Variants in B4GALNT3 observed in about 807,000 individuals in gnomAD.
The protein encoded by B4GALNT3 is beta-1,4-N-acetylgalactosaminyltransferase 3.
Under a neutral mutation model 120.2 loss-of-function variants are expected in B4GALNT3, and 86 were observed. The observed-to-expected ratio is 0.72, with a 90% CI of 0.60 to 0.86. The LOEUF (loss-of-function observed/expected upper bound fraction) is 0.86, where lower values mean the gene tolerates loss of function less well. Among genes scored for constraint, B4GALNT3 ranks in the 40% least tolerant of loss-of-function variants. The pLI, the probability that B4GALNT3 is intolerant of heterozygous loss-of-function variation, is 0.00. For synonymous variants in B4GALNT3, 518 were observed against 510.4 expected, an observed-to-expected ratio of 1.01 and a Z score of -0.20; for missense variants, 1,167 against 1,298.9, an observed-to-expected ratio of 0.90 and a Z score of 1.56.
At chr12:511,891 CCTTCCACCTTCCGCCTTCGACCTT>C in intron 1 of B4GALNT3, among the ~76,000 whole-genome samples, 7 of 116,484 alleles carry the variant, frequency 6.0e-5, no homozygotes, top group African/African-American at 2.3e-4. Context: ...CCTTCTTCCA[CCTTCCACCTTCCGCCTTCGACCTT>C]CTTCCACCTT....
At chr12:516,221 A>C (rs1205346142) in intron 1 of B4GALNT3, among the ~76,000 whole-genome samples, 1 of 152,220 alleles carries the variant, frequency 6.6e-6, no homozygotes, top group Admixed American at 6.5e-5. Context: ...TAGATTTTAT[A>C]CACATGCACA....
chr12:552,371 G>A (rs1220141556), intron 12 of B4GALNT3, 96 bp from the exon 13 acceptor site: 2 of 1,292,468 alleles, frequency 1.5e-6, no homozygotes, highest in African/African-American at 1.5e-5. Context: ...CTCTAGTCTG[G>A]GGCAAAACGT....
intron 1 of B4GALNT3, among the ~76,000 whole-genome samples, chr12:476,107 G>A (rs1435692769): frequency 6.6e-6 from 1 of 152,122 alleles, no homozygotes; most frequent in Non-Finnish European, 1.5e-5. Context: ...TTGATCCCCG[G>A]CTCTTGTCCT....
chr12:548,267 A>C lies in B4GALNT3; in HGVS notation c.823A>C (p.Ile275Leu). The C allele has an allele frequency of 6.2e-7, 1 of 1,613,854 alleles. No individual in the cohort carries two copies. Among genetic ancestry groups the C allele is most frequent in the South Asian group, 1.1e-5 (1 of 91,062 alleles). Residue 275 changes from isoleucine (I) to leucine (L), a missense_variant, in exon 9 of 20, where the codon ATT (isoleucine) becomes CTT (leucine). By Grantham distance (5) the Ile-to-Leu change is conservative. Around this residue, in one of 3 missense-constraint regions of B4GALNT3, gnomAD observed 983 missense variants for 1,102.5 expected, o/e 0.89. Transcript: ENST00000266383. The surrounding 1 kb of genome is among the most constrained non-coding windows in gnomAD (Gnocchi z 4.9). ...CGACCCTGGAGCCAAGTTCACCATCATTGACTCCCTCTCCCTGTCCCTCTT... is the reference window on the plus strand; with the variant it reads ...CGACCCTGGAGCCAAGTTCACCATCCTTGACTCCCTCTCCCTGTCCCTCTT... ...RNDPGAKFTI[I>L]DSLSLSLFTN...
At chr12:462,442 C>G (rs890098018) in intron 1 of B4GALNT3, among the ~76,000 whole-genome samples, 4 of 150,682 alleles carry the variant, frequency 2.7e-5, no homozygotes, top group Admixed American at 6.7e-5. Flanking sequence ...ACCTCTGCCT[C>G]TGTCTCCCGT....
At chr12:489,441 A>C (rs1490752232) in intron 1 of B4GALNT3, among the ~76,000 whole-genome samples, 1 of 152,208 alleles carries the variant, frequency 6.6e-6, no homozygotes, top group Non-Finnish European at 1.5e-5. Flanking sequence ...TTATTAACCC[A>C]GGTATTTTAA....
intron 14 of B4GALNT3, among the ~76,000 whole-genome samples, chr12:555,877 G>C (rs1291265987): frequency 6.6e-6 from 1 of 151,744 alleles, no homozygotes; most frequent in Admixed American, 6.6e-5. Flanking sequence ...TCCGCCTCCC[G>C]GGTTCACGCC....
At chr12:479,652 T>C (rs1946215987) in intron 1 of B4GALNT3, among the ~76,000 whole-genome samples, 1 of 152,172 alleles carries the variant, frequency 6.6e-6, no homozygotes. Flanking sequence ...CCAGCACGTT[T>C]GGCCAAGGAA....
intron 12 of B4GALNT3, 128 bp downstream of exon 12, chr12:552,291 C>T (rs534091350): frequency 1.5e-6 from 1 of 680,482 alleles, no homozygotes; most frequent in African/African-American, 2.6e-5. Flanking sequence ...TTCCTGAGTA[C>T]TACACACACA....
At chr12:537,129 A>G (rs553765251) in intron 3 of B4GALNT3, among the ~76,000 whole-genome samples, 31 of 152,344 alleles carry the variant, frequency 2.0e-4, no homozygotes, top group African/African-American at 7.2e-4. Flanking sequence ...ACTCTATGAA[A>G]CTAGTGCTCG....
rs576533548 is a variant in B4GALNT3, at chr12:465,943, C to T, written c.169+5398C>T. On this transcript the variant is annotated intron_variant, in intron 1 of 19. Transcript: ENST00000266383. ...TTGATGGTCCTGGGGCTGCCTGCCA[C>T]ACTCCCTGTTCTGGGAGTTGAGGTC... is the stretch of plus-strand genomic sequence containing the variant. Among the ~76,000 whole-genome samples, 25 of 147,044 alleles carry T rather than the reference C, an allele frequency of 1.7e-4. No homozygotes were observed. The South Asian group carries it at 3.5e-3, about 21-fold the overall frequency.
intron 1 of B4GALNT3, among the ~76,000 whole-genome samples, chr12:523,011 A>G (rs1206770943): frequency 6.6e-6 from 1 of 151,456 alleles, no homozygotes; most frequent in African/African-American, 2.4e-5. Flanking sequence ...CTAAATACAC[A>G]CTCCCCCTAA....
chr12:543,247 A>G (rs180827557), intron 3 of B4GALNT3: 2 of 1,259,514 alleles, frequency 1.6e-6, no homozygotes, highest in African/African-American at 3.1e-5. Context: ...GGAATGGGAT[A>G]GAGTGGGCCG....
intron 15 of B4GALNT3, 42 bp downstream of exon 15, chr12:556,908 C>T: frequency 1.3e-6 from 2 of 1,563,600 alleles, no homozygotes; most frequent in Non-Finnish European, 1.7e-6. Context: ...GGGGCGGGGT[C>T]CTCACACTGT....
chr12:461,781 A>G (rs7955258), intron 1 of B4GALNT3, among the ~76,000 whole-genome samples: 81,565 of 152,064 alleles, frequency 0.54, 22,643 homozygotes, highest in Middle Eastern at 0.69. Context: ...TTGGAAATGT[A>G]TATTTATGGC....
intron 1 of B4GALNT3, among the ~76,000 whole-genome samples, chr12:511,509 A>C (rs1325521385): frequency 2.8e-5 from 2 of 71,638 alleles, no homozygotes; most frequent in Admixed American, 1.4e-4. Flanking sequence ...TCCACCTTCC[A>C]CCTTCTTCCA....
Position 499,018 on chromosome 12 carries a change from AC to A in B4GALNT3, c.170-36147del, listed in dbSNP as rs1212695633. On this transcript the variant is annotated intron_variant, in intron 1 of 19. Transcript: ENST00000266383. ...GGACAGGATAATGGAGCTTTGGCAT[AC>A]AGAGAGGACACAAAATCTGGTGGGG... Among the ~76,000 whole-genome samples the A allele has an allele frequency of 2.6e-5, 4 of 152,332 alleles. No homozygotes were observed. The South Asian group carries it at 6.2e-4, about 24-fold the overall frequency.
At position 460,772 on chromosome 12, in the gene B4GALNT3, G is replaced by C. The variant is rs1471666000; in HGVS notation, c.169+227G>C. ...CCGGGCCTGCCCGCCGGCCACGTGGGTCCGGGGCACCCTGGGGGCTCCTCG... is the reference window on the plus strand; with the variant it reads ...CCGGGCCTGCCCGCCGGCCACGTGGCTCCGGGGCACCCTGGGGGCTCCTCG... On this transcript the variant is annotated intron_variant, in intron 1 of 19. Coordinates refer to ENST00000266383, the MANE Select transcript of B4GALNT3 (RefSeq NM_173593.4). This position sits in a 1 kb window ranked among gnomAD's most constrained non-coding sequence, Gnocchi z 8.0. Among the ~76,000 whole-genome samples the C allele has an allele frequency of 6.6e-6, 1 of 152,120 alleles. No individual in the cohort carries two copies. Among genetic ancestry groups the C allele is most frequent in the East Asian group, 1.9e-4 (1 of 5,156 alleles).
rs1946006703 is a variant in B4GALNT3, at chr12:460,298, TGG to T, written c.-77_-76del. The T allele has an allele frequency of 2.1e-6, 2 of 947,956 alleles. No individual in the cohort carries two copies. The allele number at this position is 947,956 out of a possible 1,614,324, so 58.7% of individuals were successfully genotyped here. On this transcript the variant is annotated 5_prime_UTR_variant, in exon 1 of 20. Coordinates refer to ENST00000266383, the MANE Select transcript of B4GALNT3 (RefSeq NM_173593.4). This position sits in a 1 kb window ranked among gnomAD's most constrained non-coding sequence, Gnocchi z 8.0. Reference sequence around the variant, plus strand: ...CGCTGGGCCGGGACGCGGGGCGCCCTGGGCGCGGGGCCCGGCCGGGGGGCGGC... The same window carrying T: ...CGCTGGGCCGGGACGCGGGGCGCCCTGCGCGGGGCCCGGCCGGGGGGCGGC...
Sources: allele counts gnomAD v4.1 joint callset (sites outside exome capture counted in the v4.1 genomes callset), GRCh38; gene constraint gnomAD v4.1.1; regional missense constraint gnomAD v4.1.1; non-coding constraint Gnocchi (gnomAD v3.1); transcripts MANE v1.5; gene names NCBI Gene and HGNC (gene_info 2026-07-23, HGNC 2026-07-21).